The following USP46 variants were observed in gnomAD, a reference collection of about 807,000 sequenced individuals.
USP46 encodes ubiquitin specific peptidase 46, also known as ubiquitin carboxyl-terminal hydrolase 46.
Under a neutral mutation model 44.4 loss-of-function variants are expected in USP46, and 12 were observed. The ratio of observed to expected loss-of-function variants is 0.27; its 90% CI spans 0.17 to 0.44. USP46 has a LOEUF of 0.44. Ranked by LOEUF, USP46 falls within the 20% of genes least tolerant of loss-of-function variation. The pLI is 1.00. For missense variants in USP46, 248 were observed against 444.8 expected (o/e 0.56, Z 3.98); for synonymous variants, 155 against 161.5 (o/e 0.96, Z 0.31).
chr4:52,629,520 T>C, intron 2 of USP46: 1 of 449,408 alleles, frequency 2.2e-6, no homozygotes, highest in Admixed American at 2.4e-5. Flanking sequence ...CTGTGCAAAA[T>C]GGCTAAAAAG....
At chr4:52,625,658 TG>T (rs1312288115) in intron 4 of USP46, among the ~76,000 whole-genome samples, 1 of 152,164 alleles carries the variant, frequency 6.6e-6, no homozygotes, top group Non-Finnish European at 1.5e-5. Context: ...GCCTCTAAAC[TG>T]GGGTGATGGT....
At chr4:52,604,435 G>A (rs1014668523) in intron 6 of USP46, 66 bp downstream of exon 6, 3 of 1,375,800 alleles carry the variant, frequency 2.2e-6, no homozygotes, top group African/African-American at 1.5e-5. Context: ...AGCCAACCCT[G>A]CTGGGCCCCA....
chr4:52,593,240 G>A lies in USP46; in HGVS notation c.*4400C>T, dbSNP rs1716098562. 7.4e-6 allele frequency: 2 copies of A among 272,068 alleles called. No homozygotes were observed. The highest frequency in any genetic ancestry group is 1.7e-4 in the South Asian group (1 of 5,918). The allele number at this position is 272,068 out of a possible 1,614,324, so 16.9% of individuals were successfully genotyped here. A position where few individuals can be genotyped will look rare whatever the true frequency, so the allele number is the denominator to read the frequency against. ...CTAGAATTTGTGTCACCTTGGTAGTGACAGGCCTGTCCTATAAATCCCAGG... is the reference window on the plus strand; with the variant it reads ...CTAGAATTTGTGTCACCTTGGTAGTAACAGGCCTGTCCTATAAATCCCAGG... On this transcript the variant is annotated 3_prime_UTR_variant, in exon 9 of 9. Transcript: ENST00000441222.
At chr4:52,656,453 C>A in intron 1 of USP46, 1 of 1,398,736 alleles carries the variant, frequency 7.1e-7, no homozygotes, top group Non-Finnish European at 9.4e-7. Flanking sequence ...GGGGATTGAC[C>A]TGAGCAGGGG....
intron 7 of USP46, among the ~76,000 whole-genome samples, chr4:52,599,444 C>A (rs1716372745): frequency 6.6e-6 from 1 of 151,986 alleles, no homozygotes; most frequent in African/African-American, 2.4e-5. Flanking sequence ...CCAGAGGGGG[C>A]TGAGGGGCAG....
chr4:52,635,194 T>C (rs1001251116), intron 1 of USP46, among the ~76,000 whole-genome samples: 1 of 151,990 alleles, frequency 6.6e-6, no homozygotes, highest in African/African-American at 2.4e-5. Context: ...AGTCCTCTAC[T>C]TTCTCATTCA....
At chr4:52,637,263 T>C (rs936077684) in intron 1 of USP46, among the ~76,000 whole-genome samples, 1 of 152,152 alleles carries the variant, frequency 6.6e-6, no homozygotes. Context: ...TTCCAAGGGC[T>C]GTCTGGGGCC....
intron 5 of USP46, among the ~76,000 whole-genome samples, chr4:52,604,883 G>A (rs1296002863): frequency 6.6e-6 from 1 of 151,986 alleles, no homozygotes; most frequent in Non-Finnish European, 1.5e-5. Flanking sequence ...ATAAATTAGG[G>A]TTTCCAACTG....
At chr4:52,610,701 G>T in intron 4 of USP46, 84 bp from the exon 5 acceptor site, 1 of 1,312,580 alleles carries the variant, frequency 7.6e-7, no homozygotes, top group Non-Finnish European at 1.1e-6. Context: ...ATCACCGACT[G>T]CAATAAAAAC....
chr4:52,616,000 T>C (rs1435651003), intron 4 of USP46, among the ~76,000 whole-genome samples: 4 of 152,184 alleles, frequency 2.6e-5, no homozygotes, highest in Admixed American at 6.5e-5. Flanking sequence ...GAAAAGCTAG[T>C]AGGGGGAAAG....
chr4:52,641,600 A>T (rs1188822306), intron 1 of USP46, among the ~76,000 whole-genome samples: 1 of 152,216 alleles, frequency 6.6e-6, no homozygotes, highest in Non-Finnish European at 1.5e-5. Flanking sequence ...AATCAAAACA[A>T]TGGCATTAAA....
intron 6 of USP46, among the ~76,000 whole-genome samples, chr4:52,604,131 T>C (rs1215999072): frequency 6.6e-6 from 1 of 152,252 alleles, no homozygotes; most frequent in African/African-American, 2.4e-5. Context: ...GTGTCTACTA[T>C]GTGTTATATA....
intron 1 of USP46, chr4:52,656,190 T>TAGG: frequency 9.0e-7 from 1 of 1,110,894 alleles, no homozygotes. Context: ...CATTTGCTCT[T>TAGG]ACTACAACTA....
chr4:52,599,356 G>A (rs893254186), intron 7 of USP46, among the ~76,000 whole-genome samples: 1 of 152,068 alleles, frequency 6.6e-6, no homozygotes, highest in Non-Finnish European at 1.5e-5. Context: ...TGGGGTGGGC[G>A]AGTAGCACTT....
chr4:52,643,260 T>A (rs920471377), intron 1 of USP46, among the ~76,000 whole-genome samples: 3 of 152,204 alleles, frequency 2.0e-5, no homozygotes, highest in Admixed American at 6.5e-5. Flanking sequence ...TAGAATCCTG[T>A]CTGTTCCTCC....
intron 1 of USP46, among the ~76,000 whole-genome samples, chr4:52,639,670 G>A (rs1718254821): frequency 6.6e-6 from 1 of 151,984 alleles, no homozygotes; most frequent in Non-Finnish European, 1.5e-5. Flanking sequence ...GGGCAGCCAC[G>A]ACCAGGTAAA....
chr4:52,633,371 T>G (rs888024535), intron 1 of USP46, among the ~76,000 whole-genome samples: 1 of 152,224 alleles, frequency 6.6e-6, no homozygotes, highest in African/African-American at 2.4e-5. Context: ...TTCCATGTCT[T>G]TTCATTAGTA....
chr4:52,604,560 C>G lies in USP46; in HGVS notation c.663G>C (p.Leu221=), dbSNP rs752620739. ...CACAATAATATTTTTGTTCACTACA[C>G]AGTGTTTCTGTGTTGCTGAAGTCTC... ...CLRDFSNTET[L]CSEQKYYCET... is the part of the protein sequence containing the mutation. Residue 221 remains leucine (L), a synonymous_variant, in exon 6 of 9, where the codon CTG becomes CTC. Coordinates refer to ENST00000441222, the MANE Select transcript of USP46 (RefSeq NM_022832.4). The G allele has an allele frequency of 6.2e-7, 1 of 1,607,638 alleles. No homozygotes were observed. Among genetic ancestry groups the G allele is most frequent in the African/African-American group, 1.3e-5 (1 of 74,608 alleles).
At chr4:52,597,830 G>T in intron 8 of USP46, 89 bp from the exon 9 acceptor site, 1 of 930,438 alleles carries the variant, frequency 1.1e-6, no homozygotes, top group Non-Finnish European at 1.6e-6. Context: ...ATATTAAAAT[G>T]CAAGGAACAC....
Sources: allele counts gnomAD v4.1 joint callset (sites outside exome capture counted in the v4.1 genomes callset), GRCh38; gene constraint gnomAD v4.1.1; transcripts MANE v1.5; gene names NCBI Gene and HGNC (gene_info 2026-07-23, HGNC 2026-07-21).